Variants in FHL1 observed in about 807,000 individuals in gnomAD.
FHL1 encodes the protein four and a half LIM domains protein 1.
A neutral mutation model predicts 20.3 loss-of-function variants in FHL1; 1 was observed. The ratio of observed to expected loss-of-function variants is 0.05; its 90% confidence interval spans 0.02 to 0.23. The LOEUF (loss-of-function observed/expected upper bound fraction) is 0.23. Ranked by LOEUF, FHL1 falls within the 10% of genes least tolerant of loss-of-function variation. The pLI is 1.00. For missense variants in FHL1, 177 were observed against 234.0 expected, an observed-to-expected ratio of 0.76 and a Z score of 1.59; for synonymous variants, 82 against 88.9, an observed-to-expected ratio of 0.92 and a Z score of 0.44.
intron 1 of FHL1, among the ~76,000 whole-genome samples, chrX:136,158,318 A>T (rs2072474919): frequency 8.9e-6 from 1 of 112,148 alleles, no homozygotes; most frequent in Admixed American, 9.5e-5. Flanking sequence ...AGGCTGCTGC[A>T]TTGAGATGGA....
In FHL1 at chrX:136,208,610, G is replaced by A; in HGVS notation, c.705G>A (p.Lys235=). The A allele has an allele frequency of 8.3e-7, 1 of 1,211,505 alleles. No homozygotes were observed. Among genetic ancestry groups the A allele is most frequent in the Non-Finnish European group, 1.1e-6 (1 of 895,404 alleles). Residue 235 remains lysine (K), a synonymous_variant, in exon 5 of 6, where the codon AAG becomes AAA. Coordinates refer to ENST00000370683, the MANE Select transcript of FHL1 (RefSeq NM_001159699.2). ...ATTGCTACAAGAACTTTGTGGCCAA[G>A]AAGTGTGCTGGATGCAAGAACCCCA... The part of the protein sequence containing the change: ...CVDCYKNFVA[K]KCAGCKNPIT...
chrX:136,147,013 G>A, upstream of FHL1: 1 of 298,234 alleles, frequency 3.4e-6, no homozygotes, highest in South Asian at 3.0e-5. Flanking sequence ...GAGTGCGCAG[G>A]TTAGCGAGGA....
Position 136,211,285 on chromosome X carries a change from A to T in FHL1, c.*1260A>T. 1 of 323,277 alleles carries T rather than the reference A, an allele frequency of 3.1e-6. No homozygotes were observed. Among genetic ancestry groups the T allele is most frequent in the South Asian group, 3.1e-5 (1 of 32,419 alleles). 26.6% of individuals were successfully genotyped at this position (323,277 alleles called of 1,213,427 possible). A position where few individuals can be genotyped will look rare whatever the true frequency, so the allele number is the denominator to read the frequency against. ...AGAGAAGCTGATGCCTCATTTCTAC[A>T]TTCTGTCATTAGCTATTATCATCTA... On this transcript the variant is annotated 3_prime_UTR_variant, in exon 6 of 6. Coordinates refer to ENST00000370683, the MANE Select transcript of FHL1 (RefSeq NM_001159699.2).
chrX:136,171,320 C>A (rs1272508779), intron 2 of FHL1, among the ~76,000 whole-genome samples: 1 of 111,540 alleles, frequency 9.0e-6, no homozygotes, highest in Admixed American at 9.5e-5. Flanking sequence ...ATAGAGAAAA[C>A]CAAAGCTGAA....
chrX:136,197,802 G>T (rs2180061), intron 1 of FHL1, among the ~76,000 whole-genome samples: 2,167 of 111,878 alleles, frequency 0.019, 44 homozygotes, highest in African/African-American at 0.065. Flanking sequence ...GGGGCTGAGG[G>T]GCCAAAAGCC....
chrX:136,195,409 G>GT (rs1471737558), upstream of FHL1, among the ~76,000 whole-genome samples: 4 of 112,407 alleles, frequency 3.6e-5, no homozygotes, highest in African/African-American at 1.3e-4. Context: ...TAGGTGAAAA[G>GT]TTTCAGTTTA....
At chrX:136,174,021 C>T (rs1406047366) in intron 2 of FHL1, among the ~76,000 whole-genome samples, 5 of 111,904 alleles carry the variant, frequency 4.5e-5, no homozygotes, top group Non-Finnish European at 9.4e-5. Flanking sequence ...TTAGCTAGAG[C>T]ATGAACTCTG....
chrX:136,203,320 A>G (rs2073763056), intron 1 of FHL1, among the ~76,000 whole-genome samples: 1 of 111,302 alleles, frequency 9.0e-6, no homozygotes, highest in South Asian at 3.7e-4. Flanking sequence ...CTGGATACAG[A>G]CTGCAGGTTT....
At chrX:136,184,872 C>A (rs932582221) in intron 2 of FHL1, among the ~76,000 whole-genome samples, 2 of 111,660 alleles carry the variant, frequency 1.8e-5, no homozygotes, top group African/African-American at 6.5e-5. Flanking sequence ...ATTCCTAAAA[C>A]AATTCAATAG....
intron 2 of FHL1, among the ~76,000 whole-genome samples, chrX:136,191,459 C>T (rs192030204): frequency 3.1e-4 from 35 of 111,822 alleles, no homozygotes; most frequent in African/African-American, 1.1e-3. Context: ...CAGGTCACGG[C>T]TTGATCTCTT....
At chrX:136,179,156 A>G (rs1227070493) in intron 2 of FHL1, among the ~76,000 whole-genome samples, 4 of 111,544 alleles carry the variant, frequency 3.6e-5, no homozygotes, top group Non-Finnish European at 7.5e-5. Context: ...AGTTTTTCCT[A>G]TGGGTGGTGG....
chrX:136,197,637 C>T, intron 1 of FHL1, among the ~76,000 whole-genome samples: 1 of 112,834 alleles, frequency 8.9e-6, no homozygotes, highest in Non-Finnish European at 1.9e-5. Context: ...GAAGTAACAG[C>T]TATGTTCCTT....
At chrX:136,162,795 C>T (rs1304128377) in intron 1 of FHL1, among the ~76,000 whole-genome samples, 1 of 111,769 alleles carries the variant, frequency 8.9e-6, no homozygotes, top group Non-Finnish European at 1.9e-5. Context: ...ATAGATTCAT[C>T]TGGGGGAACT....
intron 2 of FHL1, among the ~76,000 whole-genome samples, chrX:136,171,478 TATAAAGAAGGGAGAGAG>T (rs2148300794): frequency 9.0e-6 from 1 of 111,616 alleles, no homozygotes; most frequent in South Asian, 3.8e-4. Flanking sequence ...TTTAAGGAGA[TATAAAGAAGGGAGAGAG>T]AAAGATATAA....
upstream of FHL1, among the ~76,000 whole-genome samples, chrX:136,165,921 T>C (rs2072697356): frequency 8.9e-6 from 1 of 112,331 alleles, no homozygotes; most frequent in South Asian, 3.7e-4. Flanking sequence ...CACTTATTAA[T>C]TTTGTCAGGG....
intron 5 of FHL1, chrX:136,209,345 A>G: frequency 8.3e-7 from 1 of 1,210,526 alleles, no homozygotes; most frequent in Non-Finnish European, 1.1e-6. Flanking sequence ...CCCAGCGCCA[A>G]CCTCCGGGGC....
intron 1 of FHL1, among the ~76,000 whole-genome samples, chrX:136,155,761 A>C (rs188130582): frequency 4.3e-4 from 48 of 111,199 alleles, no homozygotes; most frequent in Non-Finnish European, 7.5e-4. Context: ...ACTATAGATA[A>C]AAACTCACAG....
In FHL1 at chrX:136,210,579, A is replaced by T; in HGVS notation, c.*554A>T. On this transcript the variant is annotated 3_prime_UTR_variant, in exon 6 of 6. Coordinates refer to ENST00000370683, the MANE Select transcript of FHL1 (RefSeq NM_001159699.2). ...CAAATAACTAACACGAACTTCCAGAAAATTAACATTTGAACTTAGCTGTAA... is the reference window on the plus strand; with the variant it reads ...CAAATAACTAACACGAACTTCCAGATAATTAACATTTGAACTTAGCTGTAA... The T allele has an allele frequency of 2.6e-6, 1 of 390,832 alleles. No homozygotes were observed. The highest frequency in any genetic ancestry group is 4.8e-6 in the Non-Finnish European group (1 of 207,518). The allele number at this position is 390,832 out of a possible 1,213,427, so 32.2% of individuals were successfully genotyped here. A position where few individuals can be genotyped will look rare whatever the true frequency, so the allele number is the denominator to read the frequency against.
At chrX:136,165,811 A>G (rs144861433), upstream of FHL1, among the ~76,000 whole-genome samples, 208 of 112,357 alleles carry the variant, frequency 1.9e-3, 1 homozygote, top group African/African-American at 6.4e-3. Flanking sequence ...CATGACCACA[A>G]TACTTTTGCT....
Sources: allele counts gnomAD v4.1 joint callset (sites outside exome capture counted in the v4.1 genomes callset), GRCh38; gene constraint gnomAD v4.1.1; transcripts MANE v1.5; gene names NCBI Gene and HGNC (gene_info 2026-07-23, HGNC 2026-07-21).